GRIN2A: variants seen among roughly 807,000 people sequenced by gnomAD.
The protein encoded by GRIN2A is glutamate receptor ionotropic, NMDA 2A.
In GRIN2A, 22 loss-of-function variants were observed where a neutral mutation model predicts 113.4. The observed-to-expected ratio is 0.19, with a 90% CI of 0.14 to 0.28. GRIN2A has a LOEUF of 0.28. Ranked by LOEUF, GRIN2A falls within the 10% of genes least tolerant of loss-of-function variation. The pLI, the probability that GRIN2A is intolerant of heterozygous loss-of-function variation, is 1.00. For synonymous variants in GRIN2A, 827 were observed against 738.4 expected (o/e 1.12, Z -1.94); for missense variants, 1,502 against 1,887.0 (o/e 0.80, Z 3.78).
chr16:9,932,973 G>T (rs541755265), intron 3 of GRIN2A, among the ~76,000 whole-genome samples: 1 of 152,236 alleles, frequency 6.6e-6, no homozygotes, highest in Admixed American at 6.5e-5. Flanking sequence ...TGATGGAACC[G>T]GACACAACAG....
chr16:10,112,117 G>C, intron 2 of GRIN2A: 1 of 595,920 alleles, frequency 1.7e-6, no homozygotes, highest in Non-Finnish European at 3.1e-6. Context: ...CTGCTGTGCA[G>C]GGCAGCTGTG....
chr16:9,942,147 G>A (rs2044896086), intron 2 of GRIN2A, among the ~76,000 whole-genome samples: 1 of 152,150 alleles, frequency 6.6e-6, no homozygotes, highest in Non-Finnish European at 1.5e-5. Flanking sequence ...TGGACTTGGA[G>A]CATCTCAACA....
intron 2 of GRIN2A, among the ~76,000 whole-genome samples, chr16:9,995,224 G>A (rs1319217985): frequency 6.6e-6 from 1 of 152,188 alleles, no homozygotes; most frequent in Non-Finnish European, 1.5e-5. Flanking sequence ...GGAGACTGCA[G>A]AGGGTTTGGA....
chr16:10,015,602 T>G (rs1023205292), intron 2 of GRIN2A, among the ~76,000 whole-genome samples: 4 of 152,254 alleles, frequency 2.6e-5, no homozygotes. Flanking sequence ...ATAGGCAGTT[T>G]GCACTAGATT....
intron 3 of GRIN2A, among the ~76,000 whole-genome samples, chr16:9,908,656 T>C (rs1217066688): frequency 6.6e-6 from 1 of 152,188 alleles, no homozygotes; most frequent in Non-Finnish European, 1.5e-5. Flanking sequence ...AGGGCTGTTT[T>C]CTTACACTTG....
At position 10,031,331 on chromosome 16, in the gene GRIN2A, G is replaced by C. The variant is rs890683421; in HGVS notation, c.415-92780C>G. 3 of 152,236 alleles carry C rather than the reference G, an allele frequency of 2.0e-5. 1 individual carries two copies. The East Asian group carries it at 5.8e-4, about 29-fold the overall frequency. The allele number at this position is 152,236 out of a possible 1,614,324, so 9.4% of individuals were successfully genotyped here. ...CCTTCCCCCAGATACTCACATGGGT[G>C]TCCCTTCACTTCAAATGTCAGCACA... On this transcript the variant is annotated intron_variant, in intron 2 of 12. Transcript: ENST00000330684.
At chr16:10,029,852 C>T (rs1380423166) in intron 2 of GRIN2A, among the ~76,000 whole-genome samples, 2 of 151,966 alleles carry the variant, frequency 1.3e-5, no homozygotes, top group Non-Finnish European at 2.9e-5. Flanking sequence ...CAAAAATTAG[C>T]CAGGTGTGGT....
chr16:9,952,254 C>A (rs139387160), intron 2 of GRIN2A, among the ~76,000 whole-genome samples: 1 of 152,120 alleles, frequency 6.6e-6, no homozygotes, highest in African/African-American at 2.4e-5. Flanking sequence ...AGGAAGGGGA[C>A]CCACCCAACC....
chr16:10,089,010 C>T (rs1040429551), intron 2 of GRIN2A, among the ~76,000 whole-genome samples: 1 of 152,234 alleles, frequency 6.6e-6, no homozygotes, highest in African/African-American at 2.4e-5. Context: ...TGTCTCTCCT[C>T]ATGCCTCAGT....
chr16:9,777,868 G>T (rs539355414), intron 11 of GRIN2A, among the ~76,000 whole-genome samples: 1 of 152,136 alleles, frequency 6.6e-6, no homozygotes, highest in Non-Finnish European at 1.5e-5. Flanking sequence ...GTTTGAGACC[G>T]GCCTGGCCAA....
chr16:9,776,495 G>A (rs1472965993), intron 11 of GRIN2A, among the ~76,000 whole-genome samples: 5 of 151,948 alleles, frequency 3.3e-5, no homozygotes, highest in Non-Finnish European at 7.4e-5. Flanking sequence ...TCTGAGGATC[G>A]GTCAGAGCCC....
intron 3 of GRIN2A, among the ~76,000 whole-genome samples, chr16:9,907,917 G>A (rs1209106130): frequency 1.3e-5 from 2 of 152,148 alleles, no homozygotes; most frequent in Admixed American, 6.5e-5. Flanking sequence ...CTGAGCCCTC[G>A]CTGCGTGCCC....
intron 2 of GRIN2A, among the ~76,000 whole-genome samples, chr16:10,007,937 G>A (rs1167387408): frequency 6.6e-6 from 1 of 152,150 alleles, no homozygotes; most frequent in Non-Finnish European, 1.5e-5. Context: ...ACTCTGACAA[G>A]TCATTCTACC....
intron 2 of GRIN2A, among the ~76,000 whole-genome samples, chr16:10,156,902 A>T (rs2049709652): frequency 2.0e-5 from 3 of 152,192 alleles, no homozygotes; most frequent in Admixed American, 2.0e-4. Context: ...TGGAGCTAGA[A>T]CTATGGGCAC....
intron 2 of GRIN2A, among the ~76,000 whole-genome samples, chr16:10,168,641 T>A (rs1455799516): frequency 6.6e-6 from 1 of 152,170 alleles, no homozygotes; most frequent in Non-Finnish European, 1.5e-5. Context: ...CGAAGCTTAT[T>A]CCTCATATCA....
chr16:9,967,511 G>A (rs1435279930), intron 2 of GRIN2A, among the ~76,000 whole-genome samples: 1 of 152,184 alleles, frequency 6.6e-6, no homozygotes. Flanking sequence ...TTTGAGACCA[G>A]CCTGGCTAAC....
chr16:10,097,177 G>A (rs1456878786), intron 2 of GRIN2A, among the ~76,000 whole-genome samples: 2 of 152,196 alleles, frequency 1.3e-5, no homozygotes, highest in Non-Finnish European at 2.9e-5. Flanking sequence ...TCTCTGAGCT[G>A]TTTGGTCTTC....
At chr16:9,964,769 A>T (rs1293152364) in intron 2 of GRIN2A, among the ~76,000 whole-genome samples, 1 of 152,138 alleles carries the variant, frequency 6.6e-6, no homozygotes, top group African/African-American at 2.4e-5. Context: ...AGTTGGTCCC[A>T]CCTTGCTAAT....
intron 4 of GRIN2A, among the ~76,000 whole-genome samples, chr16:9,887,688 ATAAC>A (rs767427705): frequency 6.6e-6 from 1 of 152,228 alleles, no homozygotes; most frequent in Non-Finnish European, 1.5e-5. Flanking sequence ...TTTGGGATAA[ATAAC>A]TAGGAGTAAA....
Sources: gnomAD v4.1 joint callset for allele counts (sites outside exome capture counted in the v4.1 genomes callset) on GRCh38, gnomAD v4.1.1 for gene constraint, MANE v1.5 for transcripts, NCBI Gene and HGNC (gene_info 2026-07-23, HGNC 2026-07-21) for gene names.